LGSN: variants seen among roughly 807,000 people sequenced by gnomAD.
LGSN encodes lengsin.
LGSN carries 21 observed loss-of-function variants against 19.5 expected under a neutral mutation model. That is an observed-to-expected ratio of 1.07 (90% CI 0.76 to 1.55). LGSN has a LOEUF of 1.55. Ranked by LOEUF, LGSN falls within the 40% of genes most tolerant of loss-of-function variation. LGSN has a pLI of 0.00. For missense variants in LGSN, 673 were observed against 608.5 expected, an observed-to-expected ratio of 1.11 and a Z score of -1.12; for synonymous variants, 257 against 215.6, an observed-to-expected ratio of 1.19 and a Z score of -1.68.
the LGSN span, among the ~76,000 whole-genome samples, chr6:63,500,114 T>C: frequency 6.6e-6 from 1 of 152,152 alleles, no homozygotes; most frequent in Non-Finnish European, 1.5e-5. Context: ...CTCACTTTAA[T>C]AAGCTTCTCC....
chr6:63,471,664 CAA>C, the LGSN span, among the ~76,000 whole-genome samples: 6 of 123,464 alleles, frequency 4.9e-5, no homozygotes, highest in Admixed American at 8.4e-5. Flanking sequence ...AAGACTCTGT[CAA>C]AAAAAAAAAA....
At chr6:63,284,132 G>T (rs1201219266) in intron 3 of LGSN, among the ~76,000 whole-genome samples, 1 of 151,926 alleles carries the variant, frequency 6.6e-6, no homozygotes, top group African/African-American at 2.4e-5. Flanking sequence ...AATTTAAAGT[G>T]GCTTCTTAAA....
chr6:63,446,725 C>A, the LGSN span, among the ~76,000 whole-genome samples: 3 of 152,270 alleles, frequency 2.0e-5, no homozygotes, highest in South Asian at 6.2e-4. Flanking sequence ...GGTGGTCTTA[C>A]TTGACCCAAG....
the LGSN span, among the ~76,000 whole-genome samples, chr6:63,356,031 T>G: frequency 6.8e-6 from 1 of 146,496 alleles, no homozygotes; most frequent in East Asian, 2.0e-4. Context: ...ATATTCTTCC[T>G]TCTACGCACA....
At chr6:63,442,441 G>A in the LGSN span, among the ~76,000 whole-genome samples, 39 of 133,010 alleles carry the variant, frequency 2.9e-4, no homozygotes, top group African/African-American at 9.7e-4. Flanking sequence ...TGATTGGTCC[G>A]TTTTGACAGG....
chr6:63,391,295 G>A, the LGSN span, among the ~76,000 whole-genome samples: 1 of 151,576 alleles, frequency 6.6e-6, no homozygotes, highest in Non-Finnish European at 1.5e-5. Context: ...ATATGGAAGG[G>A]AAGTAAGAAC....
chr6:63,323,198 C>A (rs908741390), upstream of LGSN, among the ~76,000 whole-genome samples: 1 of 152,058 alleles, frequency 6.6e-6, no homozygotes, highest in Non-Finnish European at 1.5e-5. Context: ...AAAAATTATT[C>A]CAAAACAGCC....
chr6:63,361,983 A>G, the LGSN span, among the ~76,000 whole-genome samples: 1 of 152,150 alleles, frequency 6.6e-6, no homozygotes, highest in African/African-American at 2.4e-5. Flanking sequence ...ATAGCAATGG[A>G]CACAAAACGT....
Position 63,285,687 on chromosome 6 carries a change from CT to C in LGSN, c.229del (p.Arg77AspfsTer37). On this transcript the variant is annotated frameshift_variant, in exon 3 of 4. Coordinates refer to ENST00000370657, the MANE Select transcript of LGSN (RefSeq NM_016571.3). LOFTEE classifies it high-confidence loss of function. ...PQLSSRMKHIRQAMAKNRLQF... is the reference protein window; with the variant it reads ...PQLSSRMKHIXQAMAKNRLQF... The stretch of plus-strand genomic sequence containing the variant: ...GAGGCGATTTTTGGCCATGGCTTGT[CT>C]AATGTGTTTCATTCTAGAAGAGAGT... 5 of 1,613,936 alleles carry C rather than the reference CT, an allele frequency of 3.1e-6. No homozygotes were observed. The highest frequency in any genetic ancestry group is 4.2e-6 in the Non-Finnish European group (5 of 1,179,944).
the LGSN span, among the ~76,000 whole-genome samples, chr6:63,422,585 CATG>C: frequency 8.5e-5 from 13 of 152,070 alleles, no homozygotes; most frequent in Admixed American, 4.6e-4. Flanking sequence ...AAACAATTTG[CATG>C]ATGACATTAG....
At chr6:63,484,618 G>A in the LGSN span, among the ~76,000 whole-genome samples, 16 of 103,978 alleles carry the variant, frequency 1.5e-4, 1 homozygote, top group African/African-American at 9.7e-4. Flanking sequence ...ACACTAGAGA[G>A]CTTTACAAGA....
the LGSN span, among the ~76,000 whole-genome samples, chr6:63,491,854 C>T: frequency 2.7e-4 from 41 of 152,138 alleles, no homozygotes; most frequent in Middle Eastern, 6.8e-3. Context: ...ATGGTGAAAC[C>T]CCGTCTCTAC....
the LGSN span, among the ~76,000 whole-genome samples, chr6:63,384,457 C>T: frequency 6.6e-6 from 1 of 151,094 alleles, no homozygotes; most frequent in Non-Finnish European, 1.5e-5. Flanking sequence ...CTCCCAGTAC[C>T]TTAGAATATG....
At chr6:63,348,090 C>T in the LGSN span, among the ~76,000 whole-genome samples, 2 of 152,152 alleles carry the variant, frequency 1.3e-5, no homozygotes, top group Admixed American at 1.3e-4. Context: ...ATAAGCTAGT[C>T]ATTCAATATT....
the LGSN span, among the ~76,000 whole-genome samples, chr6:63,330,691 C>T: frequency 2.0e-5 from 3 of 152,176 alleles, no homozygotes; most frequent in Non-Finnish European, 4.4e-5. Flanking sequence ...CTCCAGTCCC[C>T]ATGATCTGAG....
the LGSN span, among the ~76,000 whole-genome samples, chr6:63,529,064 G>A: frequency 6.7e-6 from 1 of 149,444 alleles, no homozygotes; most frequent in Non-Finnish European, 1.5e-5. Context: ...ACTCCAGCCT[G>A]GGCAACAAGA....
At chr6:63,432,925 G>C in the LGSN span, among the ~76,000 whole-genome samples, 1 of 152,216 alleles carries the variant, frequency 6.6e-6, no homozygotes, top group African/African-American at 2.4e-5. Flanking sequence ...TTCCCTTGGA[G>C]ACAGGTACTT....
chr6:63,449,541 CAAA>C, the LGSN span, among the ~76,000 whole-genome samples: 7 of 107,040 alleles, frequency 6.5e-5, no homozygotes, highest in Non-Finnish European at 9.7e-5. Flanking sequence ...GAGACTCCGT[CAAA>C]AAAAAAAAAA....
chr6:63,383,371 T>TACACACACACAC, the LGSN span, among the ~76,000 whole-genome samples: 1 of 139,200 alleles, frequency 7.2e-6, no homozygotes, highest in Non-Finnish European at 1.6e-5. Context: ...AACCATTACT[T>TACACACACACAC]ACACACACAC....
Sources: allele counts gnomAD v4.1 joint callset (sites outside exome capture counted in the v4.1 genomes callset), GRCh38; gene constraint gnomAD v4.1.1; transcripts MANE v1.5; gene names NCBI Gene and HGNC (gene_info 2026-07-23, HGNC 2026-07-21).